The following ZNF510 variants were observed in gnomAD, a reference collection of about 807,000 sequenced individuals.
The protein encoded by ZNF510 is zinc finger protein 510.
Under a neutral mutation model 18.1 loss-of-function variants are expected in ZNF510, and 15 were observed. That is an observed-to-expected ratio of 0.83 (90% CI 0.55 to 1.28). The LOEUF is 1.28. ZNF510 is among the 50% of genes most tolerant of loss of function. The probability of loss-of-function intolerance (pLI) is 0.00; values close to 1 mark genes in which losing one functional copy is unlikely to be tolerated. For synonymous variants in ZNF510, 261 were observed against 266.4 expected (o/e 0.98, Z 0.20); for missense variants, 724 against 791.8 (o/e 0.91, Z 1.03).
rs1423742971 is a variant in ZNF510, at chr9:96,759,930, C to T, written c.900G>A (p.Arg300=). Residue 300 remains arginine (R), a synonymous_variant, in exon 6 of 6, where the codon AGG becomes AGA. Coordinates refer to ENST00000223428, the MANE Select transcript of ZNF510 (RefSeq NM_014930.3). ...NCDKKTLFDH[R]RTGTGKKHLH... is the part of the protein sequence containing the mutation. The stretch of plus-strand genomic sequence containing the variant: ...GGTGTTTCTTCCCTGTGCCAGTTCT[C>T]CTGTGGTCAAAGAGAGTTTTCTTAT... 15 of 1,613,236 alleles carry T rather than the reference C, an allele frequency of 9.3e-6. No homozygotes were observed. The highest frequency in any genetic ancestry group is 1.3e-5 in the Non-Finnish European group (15 of 1,179,982).
chr9:96,765,763 G>A (rs1225284346), intron 3 of ZNF510, among the ~76,000 whole-genome samples: 4 of 151,994 alleles, frequency 2.6e-5, no homozygotes, highest in Non-Finnish European at 4.4e-5. Flanking sequence ...CACCCACCTC[G>A]GCCTCCCAAA....
chr9:96,759,075 T>G lies in ZNF510; in HGVS notation c.1755A>C (p.Ser585=). ...GAATTCTTTGATGCACTCTGAGGGT[T>G]GATGTCCGGGCAAAAGTTTTCCCAC... is the stretch of plus-strand genomic sequence containing the variant. ...NECGKTFART[S]TLRVHQRIHT... Residue 585 remains serine, a synonymous_variant, in exon 6 of 6, where the codon TCA becomes TCC. Coordinates refer to ENST00000223428, the MANE Select transcript of ZNF510 (RefSeq NM_014930.3). The G allele has an allele frequency of 6.2e-7, 1 of 1,614,086 alleles. No homozygotes were observed. Among genetic ancestry groups the G allele is most frequent in the Non-Finnish European group, 8.5e-7 (1 of 1,179,990 alleles).
Position 96,756,711 on chromosome 9 carries a change from A to G in ZNF510, c.*2067T>C, listed in dbSNP as rs1397213403. ...AAGAGTAAACTAACAGCTGCTTTTC[A>G]GAAGGGGTGGACCTGGTACCCTTGT... On this transcript the variant is annotated 3_prime_UTR_variant, in exon 6 of 6. Coordinates refer to ENST00000223428, the MANE Select transcript of ZNF510 (RefSeq NM_014930.3). 6.6e-6 allele frequency: 1 copy of G among 152,230 alleles called. No homozygotes were observed. The highest frequency in any genetic ancestry group is 6.5e-5 in the Admixed American group (1 of 15,274). 9.4% of individuals were successfully genotyped at this position (152,230 alleles called of 1,614,324 possible).
intron 3 of ZNF510, among the ~76,000 whole-genome samples, chr9:96,767,251 C>T (rs1849492707): frequency 6.6e-6 from 1 of 152,060 alleles, no homozygotes; most frequent in South Asian, 2.1e-4. Context: ...TTGCTTGAAC[C>T]CGGGAGGTGG....
intron 3 of ZNF510, among the ~76,000 whole-genome samples, chr9:96,774,156 T>C (rs1849641098): frequency 6.6e-6 from 1 of 152,244 alleles, no homozygotes; most frequent in Admixed American, 6.5e-5. Flanking sequence ...AGTAATCTCC[T>C]GTACTGCAAC....
At chr9:96,760,548 G>A (rs536040660) in intron 5 of ZNF510, 71 bp from the exon 6 acceptor site, 82 of 1,296,112 alleles carry the variant, frequency 6.3e-5, no homozygotes, top group Admixed American at 2.2e-4. Context: ...TCAACATACA[G>A]CCTATGTTGC....
In ZNF510 at chr9:96,758,702, C is replaced by G; in HGVS notation, c.*76G>C. 7.0e-7 allele frequency: 1 copy of G among 1,430,128 alleles called. No homozygotes were observed. The highest frequency in any genetic ancestry group is 1.5e-5 in the South Asian group (1 of 67,568). The allele number at this position is 1,430,128 out of a possible 1,614,324, so 88.6% of individuals were successfully genotyped here. ...GGGACTGTCTTCTTACATTCACTAC[C>G]CTCAATTGGTTTTTTGTGTATCTCT... On this transcript the variant is annotated 3_prime_UTR_variant, in exon 6 of 6. Transcript: ENST00000223428.
chr9:96,760,937 T>C (rs1849332839), intron 5 of ZNF510, among the ~76,000 whole-genome samples: 2 of 152,082 alleles, frequency 1.3e-5, no homozygotes, highest in Admixed American at 6.5e-5. Context: ...GTCTAGGTCT[T>C]GACATTATCT....
rs1444754361 is a variant in ZNF510, at chr9:96,758,716, T to C, written c.*62A>G. ...ACATTCACTACCCTCAATTGGTTTT[T>C]TGTGTATCTCTGATATCAAATGGGG... On this transcript the variant is annotated 3_prime_UTR_variant, in exon 6 of 6. Transcript: ENST00000223428. The C allele has an allele frequency of 2.4e-5, 36 of 1,493,804 alleles. No individual in the cohort carries two copies. Among genetic ancestry groups the C allele is most frequent in the Non-Finnish European group, 2.3e-5 (26 of 1,119,326 alleles). 92.5% of individuals were successfully genotyped at this position (1,493,804 alleles called of 1,614,324 possible).
At chr9:96,775,665 T>C (rs1260899985) in intron 2 of ZNF510, among the ~76,000 whole-genome samples, 1 of 152,186 alleles carries the variant, frequency 6.6e-6, no homozygotes, top group Non-Finnish European at 1.5e-5. Flanking sequence ...GACAAACTGT[T>C]CATCCTAGGT....
chr9:96,758,977 T>C lies in ZNF510; in HGVS notation c.1853A>G (p.His618Arg). The C allele has an allele frequency of 2.5e-6, 4 of 1,614,118 alleles. No homozygotes were observed. Among genetic ancestry groups the C allele is most frequent in the Non-Finnish European group, 3.4e-6 (4 of 1,179,980 alleles). Residue 618 changes from histidine to arginine, a missense_variant, in exon 6 of 6, where the codon CAT becomes CGT. Coordinates refer to ENST00000223428, the MANE Select transcript of ZNF510 (RefSeq NM_014930.3). ...KFVRKAILSD[H>R]QRIHTGEKPF... ...TTTCTCCCCTGTGTGAATTCTCTGATGATCACTAAGGATTGCTTTCCGGAC... is the reference window on the plus strand; with the variant it reads ...TTTCTCCCCTGTGTGAATTCTCTGACGATCACTAAGGATTGCTTTCCGGAC...
At chr9:96,766,250 A>G (rs1849469041) in intron 3 of ZNF510, among the ~76,000 whole-genome samples, 1 of 149,956 alleles carries the variant, frequency 6.7e-6, no homozygotes, top group African/African-American at 2.5e-5. Context: ...CCAGTAACTC[A>G]TAGAAAAGCA....
At position 96,759,248 on chromosome 9, in the gene ZNF510, T is replaced by G; in HGVS notation, c.1582A>C (p.Lys528Gln). Residue 528 changes from lysine (K) to glutamine (Q), a missense_variant, in exon 6 of 6, where the codon AAG becomes CAG. By Grantham distance (53) the Lys-to-Gln change is moderately conservative (BLOSUM62 1). Transcript: ENST00000223428. ...CTCTGATGTATTCTGAGGTTTGACT[T>G]CTGGCCAAATGTTTTTCCACATTGA... ...CNQCGKTFGQ[K>Q]SNLRIHQRTH... 2 of 1,614,082 alleles carry G rather than the reference T, an allele frequency of 1.2e-6. No homozygotes were observed. The highest frequency in any genetic ancestry group is 1.7e-6 in the Non-Finnish European group (2 of 1,179,998).
At chr9:96,767,710 A>C (rs1036239825) in intron 3 of ZNF510, among the ~76,000 whole-genome samples, 2 of 152,212 alleles carry the variant, frequency 1.3e-5, no homozygotes, top group Non-Finnish European at 2.9e-5. Context: ...CTGATATAAG[A>C]CTGAATCAGT....
chr9:96,777,641 G>C (rs1324600454), intron 1 of ZNF510: 1 of 152,184 alleles, frequency 6.6e-6, no homozygotes, highest in East Asian at 1.9e-4. Context: ...TCAAGTGACA[G>C]AGCCAAAATT....
In ZNF510 at chr9:96,760,194, G is replaced by C. The variant is rs1264133770; in HGVS notation, c.636C>G (p.Phe212Leu). Residue 212 changes from phenylalanine (F) to leucine (L), a missense_variant, in exon 6 of 6, where the codon TTC (phenylalanine) becomes TTG (leucine). Physicochemically the swap from Phe to Leu is conservative, Grantham distance 22 (BLOSUM62 0). Coordinates refer to ENST00000223428, the MANE Select transcript of ZNF510 (RefSeq NM_014930.3). ...GCGNVCENSP[F>L]KINFEKTQTG... ...TCTGAGTTTTCTCAAAGTTAATTTT[G>C]AAAGGTGAATTCTCACATACATTAC... is the stretch of plus-strand genomic sequence containing the variant. 1 of 1,612,912 alleles carries C rather than the reference G, an allele frequency of 6.2e-7. No homozygotes were observed. The highest frequency in any genetic ancestry group is 8.5e-7 in the Non-Finnish European group (1 of 1,179,624).
chr9:96,761,224 A>G (rs1397356106), intron 5 of ZNF510, among the ~76,000 whole-genome samples: 2 of 152,204 alleles, frequency 1.3e-5, no homozygotes, highest in Non-Finnish European at 2.9e-5. Flanking sequence ...GTGCTAAGTG[A>G]ACCTGATCAT....
intron 5 of ZNF510, among the ~76,000 whole-genome samples, chr9:96,761,200 T>C (rs1006337335): frequency 2.0e-5 from 3 of 152,218 alleles, no homozygotes; most frequent in Non-Finnish European, 4.4e-5. Flanking sequence ...ATTGATTTAT[T>C]CCATCAGAAC....
At chr9:96,772,567 T>C (rs1428942161) in intron 3 of ZNF510, among the ~76,000 whole-genome samples, 1 of 152,106 alleles carries the variant, frequency 6.6e-6, no homozygotes, top group African/African-American at 2.4e-5. Context: ...CAGAGTTGAA[T>C]AGGTACTTTA....
Sources: gnomAD v4.1 joint callset for allele counts (sites outside exome capture counted in the v4.1 genomes callset) on GRCh38, gnomAD v4.1.1 for gene constraint, MANE v1.5 for transcripts, NCBI Gene and HGNC (gene_info 2026-07-23, HGNC 2026-07-21) for gene names.